The following MYO9A variants were observed in gnomAD, a reference collection of about 807,000 sequenced individuals.
MYO9A encodes the protein unconventional myosin-IXa.
In MYO9A, 103 loss-of-function variants were observed where a neutral mutation model predicts 293.3. The observed-to-expected ratio is 0.35, with a 90% CI of 0.30 to 0.41. MYO9A has a LOEUF of 0.41. Among genes scored for constraint, MYO9A ranks in the 10% least tolerant of loss-of-function variants. MYO9A has a pLI of 1.00. For synonymous variants in MYO9A, 1,001 were observed against 1,035.7 expected (o/e 0.97, Z 0.64); for missense variants, 2,685 against 3,033.0 (o/e 0.89, Z 2.69).
In MYO9A at chr15:72,096,235, G is replaced by A. The variant is rs183124852; in HGVS notation, c.-72+21445C>T. ...GGCCTGTAGTCCCAGATACTCAGGA[G>A]GTTGAGGTGGGAGAATCACCTGAAC... On this transcript the variant is annotated intron_variant, in intron 1 of 41. Coordinates refer to ENST00000356056, the MANE Select transcript of MYO9A (RefSeq NM_006901.4). 4.3e-4 allele frequency among the ~76,000 whole-genome samples: 65 copies of A among 151,968 alleles called. 2 individuals are homozygous for A. In the Middle Eastern group the frequency reaches 0.014, roughly 32 times the overall value.
rs751166373 is a variant in MYO9A at position 71,830,251 on chromosome 15, A to C, written c.6898T>G (p.Leu2300Val). The C allele has an allele frequency of 1.2e-6, 2 of 1,613,982 alleles. No individual in the cohort carries two copies. The highest frequency in any genetic ancestry group is 2.7e-5 in the African/African-American group (2 of 74,924). Reference protein sequence around the residue: ...PGPSSPVVVRLPSVSDVSEET... With the variant: ...PGPSSPVVVRVPSVSDVSEET... ...TCTGAGACATCAGACACAGAAGGCAACCGAACTACAACAGGAGACGATGGA... is the reference window on the plus strand; with the variant it reads ...TCTGAGACATCAGACACAGAAGGCACCCGAACTACAACAGGAGACGATGGA... Residue 2300 changes from leucine (L) to valine (V), a missense_variant, in exon 40 of 42, where the codon TTG (leucine) becomes GTG (valine). Physicochemically the swap from Leu to Val is conservative, Grantham distance 32. This residue lies in a region of MYO9A where 350 missense variants were observed against 328.9 expected (regional missense o/e 1.06). Coordinates refer to ENST00000356056, the MANE Select transcript of MYO9A (RefSeq NM_006901.4).
Position 71,959,918 on chromosome 15 carries a change from T to G in MYO9A, c.2165A>C (p.Asn722Thr). ...CTACTTACCAGTTTTTCTGTGAATG[T>G]TTCTTTTCCCAGCTTCCCTGAAAGC... ...MVAFREAGKRNIHRKTGHDDT... is the reference protein window; with the variant it reads ...MVAFREAGKRTIHRKTGHDDT... Residue 722 changes from asparagine (N) to threonine (T), a missense_variant, in exon 14 of 42, where the codon AAC becomes ACC. By Grantham distance (65) the Asn-to-Thr change is moderately conservative. Coordinates refer to ENST00000356056, the MANE Select transcript of MYO9A (RefSeq NM_006901.4). 3.7e-6 allele frequency: 6 copies of G among 1,613,732 alleles called. No homozygotes were observed. The highest frequency in any genetic ancestry group is 5.1e-6 in the Non-Finnish European group (6 of 1,179,902).
rs1333877133 is a variant in MYO9A, at chr15:71,979,118, T to G, written c.1723-826A>C. Among the ~76,000 whole-genome samples the G allele has an allele frequency of 4.0e-5, 6 of 148,308 alleles. No individual in the cohort carries two copies. In the East Asian group the frequency reaches 1.0e-3, roughly 25 times the overall value. ...AATCTGCAAATAGTGATTTTGAAATTCTTTTTTGTTGTTCTTTTTGATTTT... is the reference window on the plus strand; with the variant it reads ...AATCTGCAAATAGTGATTTTGAAATGCTTTTTTGTTGTTCTTTTTGATTTT... On this transcript the variant is annotated intron_variant, in intron 11 of 41. Coordinates refer to ENST00000356056, the MANE Select transcript of MYO9A (RefSeq NM_006901.4).
intron 12 of MYO9A, among the ~76,000 whole-genome samples, chr15:71,973,693 T>A (rs1235805536): frequency 6.6e-6 from 1 of 152,156 alleles, no homozygotes; most frequent in Non-Finnish European, 1.5e-5. Flanking sequence ...AGACTAGCTT[T>A]ATGATGATAA....
intron 15 of MYO9A, among the ~76,000 whole-genome samples, chr15:71,944,321 T>C (rs749974636): frequency 1.4e-4 from 22 of 152,152 alleles, no homozygotes; most frequent in Non-Finnish European, 4.4e-5. Flanking sequence ...TTAATAGCAG[T>C]TAAGAAAAGT....
intron 1 of MYO9A, among the ~76,000 whole-genome samples, chr15:72,068,338 C>T (rs551890947): frequency 6.6e-6 from 1 of 152,112 alleles, no homozygotes; most frequent in South Asian, 2.1e-4. Context: ...GGACACTGTG[C>T]TGTGTGCTTT....
chr15:71,979,008 T>A (rs1439704158), intron 11 of MYO9A, among the ~76,000 whole-genome samples: 1 of 152,140 alleles, frequency 6.6e-6, no homozygotes, highest in Non-Finnish European at 1.5e-5. Context: ...TGCACTGCAG[T>A]GGTATTTAGG....
chr15:72,113,142 A>G lies in MYO9A; in HGVS notation c.-72+4538T>C, dbSNP rs28707151. 5.6e-3 allele frequency among the ~76,000 whole-genome samples: 856 copies of G among 152,352 alleles called. 11 individuals are homozygous for G. The highest frequency in any genetic ancestry group is 0.019 in the African/African-American group (810 of 41,586). Reference sequence around the variant, plus strand: ...AAGCACTGATATCATCCCTCTTACCAAAGTAGTCAAACCCTAGTGAAGAAA... The same window carrying G: ...AAGCACTGATATCATCCCTCTTACCGAAGTAGTCAAACCCTAGTGAAGAAA... On this transcript the variant is annotated intron_variant, in intron 1 of 41. Transcript: ENST00000356056.
intron 37 of MYO9A, 80 bp downstream of exon 37, chr15:71,851,173 C>A: frequency 8.9e-7 from 1 of 1,122,924 alleles, no homozygotes; most frequent in Non-Finnish European, 1.3e-6. Flanking sequence ...TGTCAGTCTT[C>A]CAAATGGAGA....
At chr15:71,946,075 C>A (rs1457172092) in intron 15 of MYO9A, among the ~76,000 whole-genome samples, 1 of 150,228 alleles carries the variant, frequency 6.7e-6, no homozygotes, top group Non-Finnish European at 1.5e-5. Context: ...ATGTATTATT[C>A]TTCATGTATT....
At chr15:71,892,189 GAT>G (rs1457726067) in intron 26 of MYO9A, 3 of 152,218 alleles carry the variant, frequency 2.0e-5, no homozygotes, top group Non-Finnish European at 4.4e-5. Context: ...CTGAGAAGAT[GAT>G]ATAGTTATAT....
In MYO9A at chr15:71,826,707, T is replaced by G; in HGVS notation, c.7520A>C (p.Asn2507Thr). 1 of 1,613,844 alleles carries G rather than the reference T, an allele frequency of 6.2e-7. No homozygotes were observed. Reference protein sequence around the residue: ...KGKQKLKNVKNSPQKTKETPE... With the variant: ...KGKQKLKNVKTSPQKTKETPE... Reference sequence around the variant, plus strand: ...GGTCTCTTTGGTTTTCTGAGGTGAGTTTTTCACATTCTTTAATTTTTGTTT... The same window carrying G: ...GGTCTCTTTGGTTTTCTGAGGTGAGGTTTTCACATTCTTTAATTTTTGTTT... The change falls in exon 42 of 42, where the codon AAC (asparagine) becomes ACC (threonine). Residue 2507 changes from asparagine (N) to threonine (T), a missense_variant. By Grantham distance (65) the Asn-to-Thr change is moderately conservative. This residue lies in a region of MYO9A where 350 missense variants were observed against 328.9 expected (regional missense o/e 1.06). Transcript: ENST00000356056.
Position 72,005,932 on chromosome 15 carries a change from G to C in MYO9A, c.1380+1894C>G, listed in dbSNP as rs2077003326. 2.0e-5 allele frequency among the ~76,000 whole-genome samples: 3 copies of C among 152,098 alleles called. 1 individual carries two copies. In the South Asian group the frequency reaches 6.2e-4, roughly 32 times the overall value. On this transcript the variant is annotated intron_variant, in intron 8 of 41. Coordinates refer to ENST00000356056, the MANE Select transcript of MYO9A (RefSeq NM_006901.4). Reference sequence around the variant, plus strand: ...AAGATGAATAATATTTTTTAAAAAAGCAAGTTATTCATAACTGTCAAAAAC... The same window carrying C: ...AAGATGAATAATATTTTTTAAAAAACCAAGTTATTCATAACTGTCAAAAAC...
chr15:72,101,915 G>C (rs1446048223), intron 1 of MYO9A, among the ~76,000 whole-genome samples: 1 of 152,160 alleles, frequency 6.6e-6, no homozygotes, highest in Non-Finnish European at 1.5e-5. Context: ...GAGGTGAGGG[G>C]CGCCTCTGCC....
At chr15:72,047,241 G>C (rs2078413636) in intron 1 of MYO9A, among the ~76,000 whole-genome samples, 1 of 152,178 alleles carries the variant, frequency 6.6e-6, no homozygotes, top group Admixed American at 6.5e-5. Flanking sequence ...GAAGGAGAAG[G>C]GAGTTTGGCA....
intron 1 of MYO9A, among the ~76,000 whole-genome samples, chr15:72,066,578 C>T (rs1442878968): frequency 6.6e-6 from 1 of 151,624 alleles, no homozygotes; most frequent in Non-Finnish European, 1.5e-5. Flanking sequence ...AAACAGACAA[C>T]ATAAATCTAT....
At chr15:71,855,149 CATTT>C (rs777448737) in intron 34 of MYO9A, among the ~76,000 whole-genome samples, 48 of 152,232 alleles carry the variant, frequency 3.2e-4, no homozygotes, top group East Asian at 9.6e-4. Context: ...TTCATTCATT[CATTT>C]GAGACAGAGT....
At chr15:72,060,072 C>T (rs2078836828) in intron 1 of MYO9A, among the ~76,000 whole-genome samples, 1 of 152,190 alleles carries the variant, frequency 6.6e-6, no homozygotes, top group South Asian at 2.1e-4. Context: ...TTATCATCTT[C>T]CTGAGTTATT....
At chr15:71,951,979 G>A in intron 14 of MYO9A, 83 bp from the exon 15 acceptor site, 41 of 1,411,506 alleles carry the variant, frequency 2.9e-5, no homozygotes, top group Non-Finnish European at 3.5e-5. Context: ...AGAGAATCAA[G>A]GACAATGCTG....
Sources: allele counts gnomAD v4.1 joint callset (sites outside exome capture counted in the v4.1 genomes callset), GRCh38; gene constraint gnomAD v4.1.1; regional missense constraint gnomAD v4.1.1; transcripts MANE v1.5; gene names NCBI Gene and HGNC (gene_info 2026-07-23, HGNC 2026-07-21).